The following USP34 variants were observed in gnomAD, a reference collection of about 807,000 sequenced individuals.
The protein encoded by USP34 is ubiquitin carboxyl-terminal hydrolase 34.
Under a neutral mutation model 460.3 loss-of-function variants are expected in USP34, and 70 were observed. The observed-to-expected ratio is 0.15, with a 90% CI of 0.13 to 0.19. USP34 has a LOEUF of 0.19. USP34 is among the 10% of genes least tolerant of loss of function. The pLI is 1.00. For missense variants in USP34, 3,985 were observed against 4,236.2 expected (o/e 0.94, Z 1.65); for synonymous variants, 1,647 against 1,405.3 (o/e 1.17, Z -3.85).
chr2:61,301,511 G>A, intron 27 of USP34, 57 bp from the exon 28 acceptor site: 1 of 1,452,244 alleles, frequency 6.9e-7, no homozygotes, highest in East Asian at 2.3e-5. Context: ...CTTACTTGCT[G>A]ATAAGAATAT....
Position 61,300,982 on chromosome 2 carries a change from G to A in USP34, c.4097C>T (p.Pro1366Leu). ...ATCATCCACTGCCACTTTTCCTGAG[G>A]GTGGTTTAAATGATGCAAGCATCTC... ...LLEMLASFKP[P>L]SGKVAVDDSE... Residue 1366 changes from proline to leucine, a missense_variant, in exon 29 of 80, where the codon CCC (proline) becomes CTC (leucine). Around this residue, in one of 14 missense-constraint regions of USP34, gnomAD observed 1,114 missense variants for 1,122.5 expected, o/e 0.99. Coordinates refer to ENST00000398571, the MANE Select transcript of USP34 (RefSeq NM_014709.4). 6.2e-7 allele frequency: 1 copy of A among 1,612,768 alleles called. No individual in the cohort carries two copies. The highest frequency in any genetic ancestry group is 8.5e-7 in the Non-Finnish European group (1 of 1,179,606).
At chr2:61,387,233 G>A (rs954854709) in intron 5 of USP34, among the ~76,000 whole-genome samples, 8 of 152,110 alleles carry the variant, frequency 5.3e-5, no homozygotes, top group Non-Finnish European at 1.2e-4. Context: ...GGCTGAGGCA[G>A]TCAGATCACT....
intron 2 of USP34, among the ~76,000 whole-genome samples, chr2:61,418,770 T>C (rs1363785851): frequency 2.0e-5 from 3 of 152,148 alleles, no homozygotes; most frequent in Non-Finnish European, 4.4e-5. Context: ...TTTTACCTGT[T>C]CTCCCTTCTA....
At chr2:61,270,918 T>C (rs1689193967) in intron 41 of USP34, among the ~76,000 whole-genome samples, 5 of 152,204 alleles carry the variant, frequency 3.3e-5, no homozygotes, top group Admixed American at 2.6e-4. Flanking sequence ...TTCCTATGAC[T>C]TAATTTTTAC....
At chr2:61,337,832 C>T (rs567833283) in intron 18 of USP34, among the ~76,000 whole-genome samples, 36 of 152,188 alleles carry the variant, frequency 2.4e-4, no homozygotes, top group Admixed American at 1.3e-4. Flanking sequence ...TTTTGTTAGG[C>T]ATATACTTAG....
intron 67 of USP34, 35 bp downstream of exon 67, chr2:61,220,275 T>C: frequency 6.5e-7 from 1 of 1,545,702 alleles, no homozygotes; most frequent in Non-Finnish European, 8.7e-7. Context: ...GAACAATAAA[T>C]AAATGGTTTA....
intron 10 of USP34, among the ~76,000 whole-genome samples, chr2:61,366,360 T>C (rs927504761): frequency 7.2e-5 from 11 of 152,166 alleles, no homozygotes; most frequent in African/African-American, 1.2e-4. Flanking sequence ...ATAAGAGATT[T>C]GATGGACAGA....
At chr2:61,231,332 G>C (rs1228959162) in intron 58 of USP34, among the ~76,000 whole-genome samples, 1 of 152,040 alleles carries the variant, frequency 6.6e-6, no homozygotes, top group Non-Finnish European at 1.5e-5. Context: ...AAATTAGGTA[G>C]TAGTGATGGC....
At position 61,428,880 on chromosome 2, in the gene USP34, C is replaced by T. The variant is rs539078706; in HGVS notation, c.44-8047G>A. Among the ~76,000 whole-genome samples, 14 of 152,248 alleles carry T rather than the reference C, an allele frequency of 9.2e-5. No homozygotes were observed. In the East Asian group the frequency reaches 2.3e-3, roughly 25 times the overall value. On this transcript the variant is annotated intron_variant, in intron 1 of 79. Transcript: ENST00000398571. ...CAATAACCAACAGAGATATCAATGGCTACAAACTACAGGGCAGCCAGAATT... is the reference window on the plus strand; with the variant it reads ...CAATAACCAACAGAGATATCAATGGTTACAAACTACAGGGCAGCCAGAATT...
intron 8 of USP34, among the ~76,000 whole-genome samples, chr2:61,376,194 G>A (rs1008581622): frequency 6.9e-5 from 10 of 144,702 alleles, no homozygotes; most frequent in African/African-American, 2.9e-4. Flanking sequence ...TTTAAAAAGT[G>A]AATTTTATAT....
intron 2 of USP34, among the ~76,000 whole-genome samples, chr2:61,411,455 G>C (rs1302181503): frequency 6.6e-6 from 1 of 151,520 alleles, no homozygotes; most frequent in Non-Finnish European, 1.5e-5. Context: ...ACCTCCTCAA[G>C]TACCCTTCCT....
intron 16 of USP34, among the ~76,000 whole-genome samples, chr2:61,339,899 T>C (rs950799547): frequency 7.9e-5 from 12 of 152,092 alleles, no homozygotes; most frequent in Non-Finnish European, 1.5e-5. Context: ...CTTGAACTTG[T>C]GGCCTCCAGT....
chr2:61,236,927 G>T (rs1376215585), intron 53 of USP34, among the ~76,000 whole-genome samples: 1 of 152,124 alleles, frequency 6.6e-6, no homozygotes, highest in East Asian at 1.9e-4. Context: ...TTACCTAGAT[G>T]TTCTGACTAT....
chr2:61,395,377 T>C (rs908499122), intron 3 of USP34, 144 bp from the exon 4 acceptor site: 3 of 614,874 alleles, frequency 4.9e-6, no homozygotes, highest in Non-Finnish European at 5.8e-6. Context: ...TACTCCTAAC[T>C]GAAGCTAATA....
chr2:61,273,459 T>C (rs7597531), intron 41 of USP34, among the ~76,000 whole-genome samples: 4,626 of 152,250 alleles, frequency 0.03, 241 homozygotes, highest in African/African-American at 0.11. Context: ...TGGCTCATGC[T>C]TGTAATCCCA....
At chr2:61,445,969 T>C (rs1356327478) in intron 1 of USP34, among the ~76,000 whole-genome samples, 7 of 150,056 alleles carry the variant, frequency 4.7e-5, no homozygotes, top group Admixed American at 4.6e-4. Context: ...AAGTAATTAG[T>C]CTGTAACTTG....
intron 1 of USP34, 43 bp from the exon 2 acceptor site, chr2:61,420,876 C>T (rs370148515): frequency 2.1e-6 from 3 of 1,450,814 alleles, no homozygotes; most frequent in South Asian, 2.4e-5. Flanking sequence ...TAATGCTAAA[C>T]CAGTATTAAA....
At chr2:61,287,545 C>A (rs1450063670) in intron 34 of USP34, among the ~76,000 whole-genome samples, 1 of 152,182 alleles carries the variant, frequency 6.6e-6, no homozygotes, top group East Asian at 1.9e-4. Flanking sequence ...AAGGCCAACC[C>A]CTCACCTTCC....
At chr2:61,188,762 G>A (rs1044562928) in intron 79 of USP34, 53 bp from the exon 80 acceptor site, 21 of 1,583,840 alleles carry the variant, frequency 1.3e-5, no homozygotes, top group South Asian at 4.7e-5. Flanking sequence ...TTAAGATCAC[G>A]TTAGGGGGGG....
Sources: gnomAD v4.1 joint callset for allele counts (sites outside exome capture counted in the v4.1 genomes callset) on GRCh38, gnomAD v4.1.1 for gene constraint, gnomAD v4.1.1 regional missense constraint, MANE v1.5 for transcripts, NCBI Gene and HGNC (gene_info 2026-07-23, HGNC 2026-07-21) for gene names.